Variants in FREM1 observed in about 807,000 individuals in gnomAD.
The protein encoded by FREM1 is FRAS1 related extracellular matrix 1.
Under a neutral mutation model 210.1 loss-of-function variants are expected in FREM1, and 220 were observed. The observed-to-expected ratio is 1.05, with a 90% CI of 0.94 to 1.17. FREM1 has a LOEUF of 1.17. Among genes scored for constraint, FREM1 ranks in the 50% most tolerant of loss-of-function variants. The probability of loss-of-function intolerance (pLI) is 0.00; values close to 1 mark genes in which losing one functional copy is unlikely to be tolerated. For synonymous variants in FREM1, 1,189 were observed against 980.2 expected (o/e 1.21, Z -3.98); for missense variants, 3,454 against 2,675.5 (o/e 1.29, Z -6.42).
In FREM1 at chr9:14,784,367, C is replaced by T. The variant is rs181859461; in HGVS notation, c.4442+3G>A. 305 of 1,611,926 alleles carry T rather than the reference C, an allele frequency of 1.9e-4. No homozygotes were observed. In the African/African-American group the frequency reaches 3.7e-3, roughly 19 times the overall value. ...GGGTTTGAAAAGTTTCCATGGGGCTCACCTGAATCTGTCACTGGAGACAGT... is the reference window on the plus strand; with the variant it reads ...GGGTTTGAAAAGTTTCCATGGGGCTTACCTGAATCTGTCACTGGAGACAGT... On this transcript the variant is annotated splice_donor_region_variant and intron_variant, in intron 24 of 36. Coordinates refer to ENST00000380880, the MANE Select transcript of FREM1 (RefSeq NM_001379081.2).
At chr9:14,752,918 C>G (rs1177055453) in intron 29 of FREM1, among the ~76,000 whole-genome samples, 1 of 152,088 alleles carries the variant, frequency 6.6e-6, no homozygotes, top group Non-Finnish European at 1.5e-5. Flanking sequence ...GGAGTAGAAC[C>G]AGATGGTTAG....
intron 1 of FREM1, among the ~76,000 whole-genome samples, chr9:14,876,790 A>G (rs1221520117): frequency 6.6e-6 from 1 of 152,198 alleles, no homozygotes; most frequent in African/African-American, 2.4e-5. Context: ...TAGGAGCTAT[A>G]GACTGGAGCT....
intron 1 of FREM1, among the ~76,000 whole-genome samples, chr9:14,907,204 C>G (rs1383233398): frequency 1.5e-5 from 1 of 65,140 alleles, no homozygotes; most frequent in Non-Finnish European, 3.6e-5. Flanking sequence ...CAGCTAGAGG[C>G]TATGTTGTCA....
chr9:14,738,436 C>G (rs1290367721), intron 36 of FREM1, among the ~76,000 whole-genome samples: 1 of 152,162 alleles, frequency 6.6e-6, no homozygotes, highest in Non-Finnish European at 1.5e-5. Flanking sequence ...GTTAGGAATG[C>G]CCTCCCTGAA....
chr9:14,897,960 A>G (rs1838044866), intron 1 of FREM1, among the ~76,000 whole-genome samples: 1 of 152,194 alleles, frequency 6.6e-6, no homozygotes, highest in Non-Finnish European at 1.5e-5. Context: ...TGAGGTCTTC[A>G]GCTATGACTT....
chr9:14,830,564 T>C (rs901341493), intron 10 of FREM1, among the ~76,000 whole-genome samples: 2 of 152,172 alleles, frequency 1.3e-5, no homozygotes, highest in East Asian at 1.9e-4. Context: ...TAAAGACATA[T>C]CAACTTAGGC....
intron 23 of FREM1, among the ~76,000 whole-genome samples, chr9:14,785,224 C>G (rs1850227987): frequency 1.3e-5 from 2 of 152,170 alleles, no homozygotes; most frequent in Non-Finnish European, 2.9e-5. Flanking sequence ...AAACTGTGTT[C>G]TGTTCACACA....
intron 10 of FREM1, among the ~76,000 whole-genome samples, chr9:14,829,501 T>C (rs992416160): frequency 6.6e-6 from 1 of 151,926 alleles, no homozygotes; most frequent in African/African-American, 2.4e-5. Flanking sequence ...GGCCCAATGG[T>C]GTTTAGGTCA....
chr9:14,872,982 C>A (rs1426639553), intron 1 of FREM1, among the ~76,000 whole-genome samples: 1 of 150,180 alleles, frequency 6.7e-6, no homozygotes, highest in Non-Finnish European at 1.5e-5. Flanking sequence ...TATTGATTTG[C>A]GTATATTGAA....
chr9:14,755,390 A>G (rs893687658), intron 29 of FREM1, among the ~76,000 whole-genome samples: 3 of 152,320 alleles, frequency 2.0e-5, no homozygotes, highest in Non-Finnish European at 4.4e-5. Context: ...AATAGTTCAC[A>G]CTTAGAGGAG....
At chr9:14,745,846 A>C (rs1471426352) in intron 35 of FREM1, among the ~76,000 whole-genome samples, 1 of 152,226 alleles carries the variant, frequency 6.6e-6, no homozygotes, top group Non-Finnish European at 1.5e-5. Flanking sequence ...TCTTTTACCC[A>C]GTGAGCCTTT....
chr9:14,839,311 T>C (rs1436760399), intron 10 of FREM1, among the ~76,000 whole-genome samples: 2 of 152,196 alleles, frequency 1.3e-5, no homozygotes, highest in Admixed American at 1.3e-4. Context: ...GCTAGTTATT[T>C]TGTGCAAGTT....
intron 24 of FREM1, among the ~76,000 whole-genome samples, chr9:14,781,217 G>T (rs895208499): frequency 2.6e-5 from 4 of 152,168 alleles, no homozygotes; most frequent in Non-Finnish European, 5.9e-5. Context: ...TCTCTCGCAA[G>T]GTGGTGTCAT....
At chr9:14,837,791 A>G (rs1361188630) in intron 10 of FREM1, among the ~76,000 whole-genome samples, 1 of 152,236 alleles carries the variant, frequency 6.6e-6, no homozygotes, top group Non-Finnish European at 1.5e-5. Flanking sequence ...TTATTTTGAT[A>G]ACCGGATTTA....
intron 2 of FREM1, among the ~76,000 whole-genome samples, chr9:14,867,263 G>C (rs907643405): frequency 1.2e-4 from 19 of 152,160 alleles, no homozygotes; most frequent in African/African-American, 4.3e-4. Context: ...TGGGGTTCTA[G>C]TATGAGCAAT....
intron 21 of FREM1, among the ~76,000 whole-genome samples, chr9:14,794,477 C>G (rs1031067157): frequency 6.6e-6 from 1 of 152,156 alleles, no homozygotes; most frequent in Non-Finnish European, 1.5e-5. Flanking sequence ...TGAGGCACTG[C>G]GGACACCTGA....
intron 1 of FREM1, among the ~76,000 whole-genome samples, chr9:14,881,321 G>A (rs942511918): frequency 6.6e-6 from 1 of 152,050 alleles, no homozygotes; most frequent in Admixed American, 6.6e-5. Context: ...CTTACCTTTT[G>A]TAATTGATCA....
chr9:14,809,133 C>T (rs1818925576), intron 16 of FREM1, among the ~76,000 whole-genome samples: 1 of 152,124 alleles, frequency 6.6e-6, no homozygotes, highest in Non-Finnish European at 1.5e-5. Context: ...CTCATGAGAT[C>T]CAATGGTTTT....
intron 13 of FREM1, 46 bp from the exon 14 acceptor site, chr9:14,819,488 C>G (rs775955451): frequency 4.9e-5 from 58 of 1,193,434 alleles, no homozygotes; most frequent in South Asian, 1.3e-5. Flanking sequence ...TTTTCCATGA[C>G]CCCTGAAGAC....
Sources: allele counts gnomAD v4.1 joint callset (sites outside exome capture counted in the v4.1 genomes callset), GRCh38; gene constraint gnomAD v4.1.1; transcripts MANE v1.5; gene names NCBI Gene and HGNC (gene_info 2026-07-23, HGNC 2026-07-21).